The following CFAP299 variants were observed in gnomAD, a reference collection of about 807,000 sequenced individuals.
The protein encoded by CFAP299 is cilia and flagella associated protein 299, also known as cilia- and flagella-associated protein 299.
CFAP299 carries 21 observed loss-of-function variants against 27.0 expected under a neutral mutation model. The ratio of observed to expected loss-of-function variants is 0.78; its 90% CI spans 0.55 to 1.12. CFAP299 has a LOEUF of 1.12. Among genes scored for constraint, CFAP299 ranks in the 50% most tolerant of loss-of-function variants. The pLI, the probability that CFAP299 is intolerant of heterozygous loss-of-function variation, is 0.00. For synonymous variants in CFAP299, 104 were observed against 98.1 expected (o/e 1.06, Z -0.36); for missense variants, 310 against 276.6 (o/e 1.12, Z -0.86).
intron 4 of CFAP299, among the ~76,000 whole-genome samples, chr4:80,897,571 C>T (rs931740274): frequency 6.6e-5 from 10 of 152,048 alleles, no homozygotes; most frequent in Non-Finnish European, 1.3e-4. Context: ...TAAAGCCATG[C>T]TGAAGAACTG....
In CFAP299 at chr4:80,937,575, C is replaced by A. The variant is rs1736977904; in HGVS notation, c.477-7235C>A. On this transcript the variant is annotated intron_variant, in intron 4 of 5. Transcript: ENST00000358105. Reference sequence around the variant, plus strand: ...GGCTCAAATGATCTGCCCACCTTGGCCTCAGGAATATTTTCTATTCCTTAA... The same window carrying A: ...GGCTCAAATGATCTGCCCACCTTGGACTCAGGAATATTTTCTATTCCTTAA... Among the ~76,000 whole-genome samples, 3 of 151,866 alleles carry A rather than the reference C, an allele frequency of 2.0e-5. No homozygotes were observed. In the South Asian group the frequency reaches 6.2e-4, roughly 32 times the overall value.
intron 3 of CFAP299, among the ~76,000 whole-genome samples, chr4:80,812,065 G>A (rs1729182263): frequency 1.3e-5 from 2 of 152,080 alleles, no homozygotes; most frequent in Middle Eastern, 3.4e-3. Flanking sequence ...GTGCATTTTA[G>A]AATATATGAA....
chr4:80,533,070 A>C (rs1253672425), intron 2 of CFAP299, among the ~76,000 whole-genome samples: 5 of 152,166 alleles, frequency 3.3e-5, no homozygotes, highest in Admixed American at 3.3e-4. Flanking sequence ...AGCTTTATTG[A>C]ATTCCTTCTA....
intron 3 of CFAP299, among the ~76,000 whole-genome samples, chr4:80,718,938 C>T (rs1722649739): frequency 6.6e-6 from 1 of 152,174 alleles, no homozygotes; most frequent in South Asian, 2.1e-4. Flanking sequence ...GGTACATATA[C>T]ACCATGGAAT....
At position 80,362,794 on chromosome 4, in the gene CFAP299, G is replaced by A. The variant is rs375423593; in HGVS notation, c.152G>A (p.Arg51Gln). 5.0e-6 allele frequency: 8 copies of A among 1,612,778 alleles called. No homozygotes were observed. In the African/African-American group the frequency reaches 5.3e-5, roughly 11 times the overall value. ...LARQLVELGY[R>Q]GTGERVKRED... is the part of the protein sequence containing the mutation. ...CGCCAGTTGGTGGAGCTAGGCTACC[G>A]AGGGACTGGAGAGAGAGTGAAAAGG... is the stretch of plus-strand genomic sequence containing the variant. Residue 51 changes from arginine (R) to glutamine (Q), a missense_variant, in exon 2 of 6, where the codon CGA (arginine) becomes CAA (glutamine). Arg to Gln is a conservative substitution (Grantham distance 43, BLOSUM62 1). Transcript: ENST00000358105.
At chr4:80,960,237 T>C (rs1365224385) in intron 5 of CFAP299, among the ~76,000 whole-genome samples, 2 of 151,874 alleles carry the variant, frequency 1.3e-5, no homozygotes, top group Admixed American at 6.6e-5. Context: ...TCAGGTATTA[T>C]GAATTAAGGC....
chr4:80,644,003 T>C (rs1276997021), intron 3 of CFAP299, among the ~76,000 whole-genome samples: 2 of 152,216 alleles, frequency 1.3e-5, no homozygotes, highest in Non-Finnish European at 2.9e-5. Flanking sequence ...ATACCTCTAA[T>C]GTCTATCAAT....
rs1345713855 is a variant in CFAP299 at position 80,659,114 on chromosome 4, T to G, written c.333+75931T>G. Among the ~76,000 whole-genome samples, 8 of 152,240 alleles carry G rather than the reference T, an allele frequency of 5.3e-5. No homozygotes were observed. The East Asian group carries it at 1.5e-3, about 29-fold the overall frequency. On this transcript the variant is annotated intron_variant, in intron 3 of 5. Transcript: ENST00000358105. ...ATGGAACTTCATATACCAAAGGGAC[T>G]TTTTCCCCTAATAACAACTGCCTAA...
intron 2 of CFAP299, among the ~76,000 whole-genome samples, chr4:80,371,070 C>A (rs1489624621): frequency 6.6e-6 from 1 of 152,218 alleles, no homozygotes; most frequent in Non-Finnish European, 1.5e-5. Flanking sequence ...CTCAACTCCT[C>A]CATTCTGTGC....
intron 3 of CFAP299, among the ~76,000 whole-genome samples, chr4:80,585,405 G>A (rs1472576732): frequency 1.3e-5 from 2 of 152,142 alleles, no homozygotes; most frequent in South Asian, 4.1e-4. Context: ...CCTCCATATT[G>A]CTATCCCTCA....
chr4:80,677,041 G>T (rs1719507617), intron 3 of CFAP299, among the ~76,000 whole-genome samples: 1 of 151,792 alleles, frequency 6.6e-6, no homozygotes, highest in Non-Finnish European at 1.5e-5. Flanking sequence ...TCATTAGGTT[G>T]TTTATTTGAA....
At chr4:80,339,186 A>G (rs988763560) in intron 1 of CFAP299, among the ~76,000 whole-genome samples, 2 of 152,200 alleles carry the variant, frequency 1.3e-5, no homozygotes, top group Non-Finnish European at 2.9e-5. Context: ...CTGCTCTAGG[A>G]ATTGCTTCCT....
intron 3 of CFAP299, among the ~76,000 whole-genome samples, chr4:80,820,037 A>C (rs1333347351): frequency 6.6e-6 from 1 of 152,178 alleles, no homozygotes; most frequent in Non-Finnish European, 1.5e-5. Flanking sequence ...AGCAGCCAAA[A>C]TAAATAGTAA....
intron 3 of CFAP299, among the ~76,000 whole-genome samples, chr4:80,595,345 G>A (rs1186942864): frequency 2.0e-5 from 3 of 152,102 alleles, no homozygotes; most frequent in Non-Finnish European, 4.4e-5. Context: ...ATATTCTGAT[G>A]TTATCTTCTA....
chr4:80,856,724 T>A (rs1290346265), intron 3 of CFAP299, among the ~76,000 whole-genome samples: 1 of 151,814 alleles, frequency 6.6e-6, no homozygotes, highest in Non-Finnish European at 1.5e-5. Flanking sequence ...AGATATGCAG[T>A]GTTATTTCTG....
rs187891011 is a variant in CFAP299 at position 80,688,169 on chromosome 4, G to C, written c.333+104986G>C. Among the ~76,000 whole-genome samples the C allele has an allele frequency of 4.6e-5, 7 of 152,342 alleles. No individual in the cohort carries two copies. In the East Asian group the frequency reaches 7.7e-4, roughly 17 times the overall value. ...GGTAAACAAAGCAGCCGGGAAGCTCGAACAGAGTGGAACCCACCACAGCTC... is the reference window on the plus strand; with the variant it reads ...GGTAAACAAAGCAGCCGGGAAGCTCCAACAGAGTGGAACCCACCACAGCTC... On this transcript the variant is annotated intron_variant, in intron 3 of 5. Transcript: ENST00000358105.
intron 4 of CFAP299, among the ~76,000 whole-genome samples, chr4:80,890,003 T>C (rs1734180827): frequency 6.6e-6 from 1 of 152,090 alleles, no homozygotes; most frequent in Non-Finnish European, 1.5e-5. Context: ...ATATGTCAGA[T>C]CCACAGCTAA....
intron 3 of CFAP299, among the ~76,000 whole-genome samples, chr4:80,862,631 A>C (rs1255437648): frequency 6.6e-6 from 1 of 152,110 alleles, no homozygotes; most frequent in Non-Finnish European, 1.5e-5. Flanking sequence ...CAAGAGAAGA[A>C]GTCACTCTGC....
intron 2 of CFAP299, among the ~76,000 whole-genome samples, chr4:80,400,050 G>T (rs1445112651): frequency 6.6e-6 from 1 of 152,038 alleles, no homozygotes; most frequent in African/African-American, 2.4e-5. Flanking sequence ...TTGCCAACTT[G>T]TGATGTTATA....
Sources: allele counts gnomAD v4.1 joint callset (sites outside exome capture counted in the v4.1 genomes callset), GRCh38; gene constraint gnomAD v4.1.1; transcripts MANE v1.5; gene names NCBI Gene and HGNC (gene_info 2026-07-23, HGNC 2026-07-21).